The following ADAMTSL1 variants were observed in gnomAD, a reference collection of about 807,000 sequenced individuals.
ADAMTSL1 encodes ADAMTS like 1.
Under a neutral mutation model 201.8 loss-of-function variants are expected in ADAMTSL1, and 126 were observed. The ratio of observed to expected loss-of-function variants is 0.62; its 90% CI spans 0.54 to 0.72. The LOEUF (loss-of-function observed/expected upper bound fraction) is 0.72, where lower values mean the gene tolerates loss of function less well. Among genes scored for constraint, ADAMTSL1 ranks in the 30% least tolerant of loss-of-function variants. The probability of loss-of-function intolerance (pLI) is 0.00; values close to 1 mark genes in which losing one functional copy is unlikely to be tolerated. For synonymous variants in ADAMTSL1, 1,121 were observed against 903.4 expected (o/e 1.24, Z -4.32); for missense variants, 2,679 against 2,277.8 (o/e 1.18, Z -3.59).
chr9:18,820,868 G>T (rs1455803482), intron 21 of ADAMTSL1, among the ~76,000 whole-genome samples: 1 of 152,224 alleles, frequency 6.6e-6, no homozygotes, highest in African/African-American at 2.4e-5. Flanking sequence ...AGGATCAGGG[G>T]AAGAAGCAGT....
At chr9:18,434,761 C>A (rs996126451) in intron 2 of ADAMTSL1, among the ~76,000 whole-genome samples, 1 of 152,184 alleles carries the variant, frequency 6.6e-6, no homozygotes, top group Non-Finnish European at 1.5e-5. Flanking sequence ...GCCTGCCCTG[C>A]AAGATCTGGC....
At chr9:18,833,476 T>C (rs552549565) in intron 23 of ADAMTSL1, among the ~76,000 whole-genome samples, 68 of 152,358 alleles carry the variant, frequency 4.5e-4, no homozygotes, top group African/African-American at 1.5e-3. Context: ...GTTTTTTTCA[T>C]GTGATTGTTG....
chr9:18,009,116 C>G (rs1408531349), intron 1 of ADAMTSL1, among the ~76,000 whole-genome samples: 1 of 151,994 alleles, frequency 6.6e-6, no homozygotes, highest in Non-Finnish European at 1.5e-5. Flanking sequence ...TTCACCAGAT[C>G]CCATTATTCA....
intron 23 of ADAMTSL1, among the ~76,000 whole-genome samples, chr9:18,855,907 C>A (rs1272058366): frequency 1.3e-5 from 2 of 152,214 alleles, no homozygotes; most frequent in Non-Finnish European, 2.9e-5. Flanking sequence ...GTCCTGCCAG[C>A]TTCCTGAGCC....
At chr9:18,541,052 T>C (rs1820103333) in intron 3 of ADAMTSL1, among the ~76,000 whole-genome samples, 1 of 152,204 alleles carries the variant, frequency 6.6e-6, no homozygotes, top group Admixed American at 6.5e-5. Flanking sequence ...TAACCTCCCC[T>C]AAGATAGACA....
intron 1 of ADAMTSL1, among the ~76,000 whole-genome samples, chr9:18,154,978 G>A (rs997847416): frequency 6.6e-6 from 1 of 152,048 alleles, no homozygotes; most frequent in East Asian, 1.9e-4. Flanking sequence ...GGAGTGTATG[G>A]TGAGGGTTGC....
At chr9:18,150,220 T>C (rs1192290672) in intron 1 of ADAMTSL1, among the ~76,000 whole-genome samples, 3 of 152,034 alleles carry the variant, frequency 2.0e-5, no homozygotes, top group Non-Finnish European at 4.4e-5. Context: ...AATAAGATAG[T>C]AGTGGTATAA....
At chr9:18,717,121 A>G (rs1832996992) in intron 14 of ADAMTSL1, among the ~76,000 whole-genome samples, 4 of 149,526 alleles carry the variant, frequency 2.7e-5, no homozygotes, top group Admixed American at 2.0e-4. Flanking sequence ...GCATTGGGAG[A>G]TATACCTAAT....
chr9:18,305,926 G>C (rs1181360464), intron 2 of ADAMTSL1, among the ~76,000 whole-genome samples: 2 of 152,044 alleles, frequency 1.3e-5, no homozygotes, highest in African/African-American at 4.8e-5. Flanking sequence ...ACACCTCCCA[G>C]CAGGGCTCAA....
intron 3 of ADAMTSL1, among the ~76,000 whole-genome samples, chr9:18,571,332 A>G (rs1447324358): frequency 1.3e-5 from 2 of 152,192 alleles, no homozygotes; most frequent in Admixed American, 1.3e-4. Flanking sequence ...TTTCACTTGT[A>G]TAGAAAAAGG....
intron 26 of ADAMTSL1, among the ~76,000 whole-genome samples, chr9:18,894,032 T>G (rs1319790636): frequency 6.6e-6 from 1 of 152,166 alleles, no homozygotes; most frequent in Non-Finnish European, 1.5e-5. Context: ...GCCCACAATA[T>G]TTGCAGGAGA....
At chr9:18,566,191 A>G (rs1461671543) in intron 3 of ADAMTSL1, among the ~76,000 whole-genome samples, 1 of 152,184 alleles carries the variant, frequency 6.6e-6, no homozygotes, top group African/African-American at 2.4e-5. Context: ...TCAATTAGAA[A>G]ACTAAGATTC....
intron 20 of ADAMTSL1, among the ~76,000 whole-genome samples, chr9:18,806,821 G>C (rs1345254923): frequency 6.6e-6 from 1 of 152,128 alleles, no homozygotes; most frequent in South Asian, 2.1e-4. Flanking sequence ...TGCCTGGTTG[G>C]CTGAACACTT....
At chr9:18,384,736 C>T (rs915401717) in intron 2 of ADAMTSL1, among the ~76,000 whole-genome samples, 1 of 152,114 alleles carries the variant, frequency 6.6e-6, no homozygotes, top group Non-Finnish European at 1.5e-5. Flanking sequence ...GCTCCCTTTC[C>T]TTGACATTCC....
At chr9:18,510,367 A>C (rs564681725) in intron 2 of ADAMTSL1, among the ~76,000 whole-genome samples, 1 of 152,322 alleles carries the variant, frequency 6.6e-6, no homozygotes, top group South Asian at 2.1e-4. Context: ...TTCTAGAAAA[A>C]AATTCAATGG....
At chr9:18,484,298 T>C (rs1821878757) in intron 1 of ADAMTSL1, among the ~76,000 whole-genome samples, 1 of 152,212 alleles carries the variant, frequency 6.6e-6, no homozygotes, top group Admixed American at 6.5e-5. Context: ...GTCATGATAT[T>C]ATTTTCTTTA....
chr9:18,601,249 G>A (rs569861019), intron 4 of ADAMTSL1, among the ~76,000 whole-genome samples: 45 of 152,232 alleles, frequency 3.0e-4, no homozygotes, highest in African/African-American at 8.2e-4. Flanking sequence ...TCAAAAGGAT[G>A]AATCATTGAA....
At chr9:18,347,349 A>T (rs1438905138) in intron 2 of ADAMTSL1, among the ~76,000 whole-genome samples, 1 of 152,080 alleles carries the variant, frequency 6.6e-6, no homozygotes, top group Non-Finnish European at 1.5e-5. Context: ...GAAAACTGGG[A>T]TGAGAATTCC....
At chr9:18,240,871 T>C (rs1831034933) in intron 2 of ADAMTSL1, among the ~76,000 whole-genome samples, 1 of 152,196 alleles carries the variant, frequency 6.6e-6, no homozygotes, top group African/African-American at 2.4e-5. Flanking sequence ...GCAGCTTCTT[T>C]CCTTAAACCT....
Sources: allele counts gnomAD v4.1 joint callset (sites outside exome capture counted in the v4.1 genomes callset), GRCh38; gene constraint gnomAD v4.1.1; transcripts MANE v1.5; gene names NCBI Gene and HGNC (gene_info 2026-07-23, HGNC 2026-07-21).